Variants in CHST8 observed in about 807,000 individuals in gnomAD.
CHST8 encodes carbohydrate sulfotransferase 8, also known as GALNAC-4-ST1.
CHST8 carries 10 observed loss-of-function variants against 15.0 expected under a neutral mutation model. The ratio of observed to expected loss-of-function variants is 0.67; its 90% CI spans 0.41 to 1.13. The LOEUF (loss-of-function observed/expected upper bound fraction) is 1.13, where lower values mean the gene tolerates loss of function less well. Ranked by LOEUF, CHST8 falls within the 50% of genes most tolerant of loss-of-function variation. The pLI is 0.00. For missense variants in CHST8, 634 were observed against 608.2 expected (o/e 1.04, Z -0.45); for synonymous variants, 259 against 256.6 (o/e 1.01, Z -0.09).
intron 2 of CHST8, among the ~76,000 whole-genome samples, chr19:33,673,527 G>C (rs1972769964): frequency 6.6e-6 from 1 of 152,188 alleles, no homozygotes; most frequent in Non-Finnish European, 1.5e-5. Context: ...TCTCTTGTCT[G>C]TCTGGGGCTT....
chr19:33,678,682 T>C (rs1332566519), intron 2 of CHST8, among the ~76,000 whole-genome samples: 1 of 152,138 alleles, frequency 6.6e-6, no homozygotes, highest in East Asian at 1.9e-4. Flanking sequence ...GAGGCTGCAG[T>C]GAGCCATGAT....
At chr19:33,702,993 C>T (rs970012807) in intron 3 of CHST8, among the ~76,000 whole-genome samples, 6 of 152,216 alleles carry the variant, frequency 3.9e-5, no homozygotes, top group African/African-American at 1.4e-4. Flanking sequence ...CCTGTGCCTA[C>T]ACCTCCCCCA....
chr19:33,690,742 T>C (rs1003638853), intron 3 of CHST8, among the ~76,000 whole-genome samples: 1 of 152,180 alleles, frequency 6.6e-6, no homozygotes, highest in East Asian at 1.9e-4. Context: ...GGCTCTCCTG[T>C]GGGAGCTTTG....
chr19:33,719,772 T>G (rs1599582249), intron 3 of CHST8, among the ~76,000 whole-genome samples: 1 of 149,956 alleles, frequency 6.7e-6, no homozygotes, highest in Non-Finnish European at 1.5e-5. Flanking sequence ...TCACATGCAG[T>G]CGGACCTGAA....
At chr19:33,728,372 G>A (rs751832251) in intron 3 of CHST8, among the ~76,000 whole-genome samples, 25 of 152,330 alleles carry the variant, frequency 1.6e-4, no homozygotes, top group Non-Finnish European at 3.4e-4. Flanking sequence ...CTGCTTCCTG[G>A]GTAGCAGCTG....
rs896970786 is a variant in CHST8 at position 33,700,867 on chromosome 19, G to C, written c.130+11476G>C. On this transcript the variant is annotated intron_variant, in intron 3 of 4. Coordinates refer to ENST00000650847, the MANE Select transcript of CHST8 (RefSeq NM_001127895.2). ...TGGTTCACATAGATTGCAGTGTGAA[G>C]GGTGTCCCCTGGAGTTGTGCAAAGA... Among the ~76,000 whole-genome samples the C allele has an allele frequency of 2.0e-5, 3 of 152,206 alleles. No individual in the cohort carries two copies. The East Asian group carries it at 5.8e-4, about 29-fold the overall frequency.
intron 3 of CHST8, among the ~76,000 whole-genome samples, chr19:33,710,583 T>G (rs1044040634): frequency 1.3e-5 from 2 of 152,246 alleles, no homozygotes; most frequent in Non-Finnish European, 2.9e-5. Context: ...TTCCAGATCT[T>G]CTTATTAAAT....
At chr19:33,764,262 C>T (rs1166359667) in intron 3 of CHST8, among the ~76,000 whole-genome samples, 1 of 152,198 alleles carries the variant, frequency 6.6e-6, no homozygotes, top group Non-Finnish European at 1.5e-5. Context: ...AACCAACAAC[C>T]CTTCACTACT....
chr19:33,634,810 T>C (rs535875385), intron 1 of CHST8, among the ~76,000 whole-genome samples: 44 of 151,204 alleles, frequency 2.9e-4, no homozygotes, highest in Admixed American at 7.3e-4. Context: ...GTTGTCTCCA[T>C]CCTCTCCCAC....
At chr19:33,687,921 C>T (rs1159430943) in intron 2 of CHST8, among the ~76,000 whole-genome samples, 4 of 152,220 alleles carry the variant, frequency 2.6e-5, no homozygotes, top group Non-Finnish European at 4.4e-5. Context: ...GGGGCTTAAA[C>T]AGCCACCCAG....
chr19:33,757,330 A>G, intron 3 of CHST8, among the ~76,000 whole-genome samples: 1 of 149,828 alleles, frequency 6.7e-6, no homozygotes, highest in East Asian at 2.0e-4. Context: ...CAGTGAGCCA[A>G]AACCATGCCA....
Position 33,773,209 on chromosome 19 carries a change from G to C in CHST8, c.*146G>C. 1 of 971,004 alleles carries C rather than the reference G, an allele frequency of 1.0e-6. No homozygotes were observed. The highest frequency in any genetic ancestry group is 1.7e-5 in the South Asian group (1 of 57,514). 60.1% of individuals were successfully genotyped at this position (971,004 alleles called of 1,614,324 possible). ...CGCTGTGGGAGGCAGCAGGCCCCGG[G>C]TGGGGGGCAGAGGCGCCCAGCCTTG... On this transcript the variant is annotated 3_prime_UTR_variant, in exon 5 of 5. Transcript: ENST00000650847.
chr19:33,710,871 A>AG (rs56980263), intron 3 of CHST8, among the ~76,000 whole-genome samples: 186 of 131,178 alleles, frequency 1.4e-3, no homozygotes, highest in African/African-American at 5.3e-3. Flanking sequence ...CAATTTCTGG[A>AG]GTTTTTTTTT....
intron 1 of CHST8, among the ~76,000 whole-genome samples, chr19:33,666,381 C>T (rs529535140): frequency 5.9e-5 from 9 of 152,322 alleles, no homozygotes; most frequent in African/African-American, 1.9e-4. Flanking sequence ...CCCAGCCTCA[C>T]GGGGAGAAAT....
intron 1 of CHST8, among the ~76,000 whole-genome samples, chr19:33,637,314 C>T (rs1201370804): frequency 6.6e-6 from 1 of 152,162 alleles, no homozygotes; most frequent in Non-Finnish European, 1.5e-5. Flanking sequence ...TTTTACCCAG[C>T]CCCTATTCAA....
At chr19:33,670,643 G>T (rs1972725024) in intron 2 of CHST8, among the ~76,000 whole-genome samples, 5 of 152,152 alleles carry the variant, frequency 3.3e-5, no homozygotes, top group Admixed American at 3.3e-4. Context: ...TTTTCTGTGG[G>T]TCTGCCTGCA....
At chr19:33,738,530 AT>A (rs1278704266) in intron 3 of CHST8, among the ~76,000 whole-genome samples, 1 of 152,208 alleles carries the variant, frequency 6.6e-6, no homozygotes, top group Non-Finnish European at 1.5e-5. Context: ...CCTTACAGCT[AT>A]TATTCTGCTG....
At chr19:33,677,090 C>T (rs1972819545) in intron 2 of CHST8, among the ~76,000 whole-genome samples, 1 of 152,200 alleles carries the variant, frequency 6.6e-6, no homozygotes, top group African/African-American at 2.4e-5. Flanking sequence ...AAACGCCTGT[C>T]TTCATTCCTC....
At chr19:33,667,306 C>T (rs1039461448) in intron 1 of CHST8, among the ~76,000 whole-genome samples, 4 of 152,204 alleles carry the variant, frequency 2.6e-5, no homozygotes, top group African/African-American at 7.2e-5. Flanking sequence ...AGCCTTCCTG[C>T]AGCCCCAAAC....
Sources: gnomAD v4.1 joint callset for allele counts (sites outside exome capture counted in the v4.1 genomes callset) on GRCh38, gnomAD v4.1.1 for gene constraint, MANE v1.5 for transcripts, NCBI Gene and HGNC (gene_info 2026-07-23, HGNC 2026-07-21) for gene names.